FOXP1: variants seen among roughly 807,000 people sequenced by gnomAD.
The protein encoded by FOXP1 is forkhead box P1, also known as forkhead box protein P1.
A neutral mutation model predicts 98.2 loss-of-function variants in FOXP1; 15 were observed. The observed-to-expected ratio is 0.15, with a 90% CI of 0.10 to 0.24. The LOEUF is 0.24. Ranked by LOEUF, FOXP1 falls within the 10% of genes least tolerant of loss-of-function variation. The pLI is 1.00. For missense variants in FOXP1, 633 were observed against 848.5 expected, an observed-to-expected ratio of 0.75 and a Z score of 3.15; for synonymous variants, 371 against 314.5, an observed-to-expected ratio of 1.18 and a Z score of -1.90.
intron 7 of FOXP1, among the ~76,000 whole-genome samples, chr3:71,078,835 T>C (rs2054102194): frequency 6.6e-6 from 1 of 152,094 alleles, no homozygotes; most frequent in Admixed American, 6.6e-5. Flanking sequence ...CCACTAGTCA[T>C]AAATAGTGGC....
chr3:70,973,758 TTGATA>T (rs2036858740), intron 17 of FOXP1, among the ~76,000 whole-genome samples: 1 of 151,720 alleles, frequency 6.6e-6, no homozygotes, highest in Non-Finnish European at 1.5e-5. Context: ...GCTTGAGAAG[TTGATA>T]CATACATCAC....
chr3:71,160,747 G>C (rs1206751410), intron 6 of FOXP1, among the ~76,000 whole-genome samples: 1 of 152,184 alleles, frequency 6.6e-6, no homozygotes, highest in African/African-American at 2.4e-5. Context: ...ATTTTATTGG[G>C]CATCTGTTCT....
chr3:71,462,571 C>A (rs1402981603), intron 3 of FOXP1, among the ~76,000 whole-genome samples: 1 of 152,104 alleles, frequency 6.6e-6, no homozygotes, highest in South Asian at 2.1e-4. Context: ...TAAGTGAGAA[C>A]CCATTCGTGT....
At chr3:71,408,944 G>A (rs537009403) in intron 3 of FOXP1, among the ~76,000 whole-genome samples, 19 of 152,304 alleles carry the variant, frequency 1.2e-4, no homozygotes, top group East Asian at 5.8e-4. Context: ...GAAATGCCAC[G>A]TTTAGCTTAT....
intron 4 of FOXP1, among the ~76,000 whole-genome samples, chr3:71,351,723 T>C (rs1325529787): frequency 6.6e-6 from 1 of 152,200 alleles, no homozygotes; most frequent in Non-Finnish European, 1.5e-5. Context: ...ACCAAAGCTT[T>C]GGGAGGGAGA....
intron 3 of FOXP1, among the ~76,000 whole-genome samples, chr3:71,423,702 C>T (rs971081731): frequency 4.6e-5 from 7 of 152,180 alleles, no homozygotes; most frequent in Admixed American, 1.3e-4. Flanking sequence ...TTCTCAGTCA[C>T]GTTATCTGCA....
intron 4 of FOXP1, among the ~76,000 whole-genome samples, chr3:71,320,685 T>A (rs942234788): frequency 6.6e-5 from 10 of 152,204 alleles, no homozygotes. Flanking sequence ...CAAAAGGCAC[T>A]TAATAAATCT....
chr3:71,240,693 C>T (rs111776288), intron 5 of FOXP1, among the ~76,000 whole-genome samples: 19,903 of 151,614 alleles, frequency 0.13, 1,404 homozygotes, highest in Non-Finnish European at 0.16. Context: ...AGGCGCGTGC[C>T]ACCATGCCCG....
chr3:71,165,458 T>C (rs906683614), intron 6 of FOXP1, among the ~76,000 whole-genome samples: 2 of 152,166 alleles, frequency 1.3e-5, no homozygotes, highest in Non-Finnish European at 2.9e-5. Flanking sequence ...AACCAGACAT[T>C]TCAAAAGTGG....
chr3:71,401,707 C>T (rs1416352671), intron 3 of FOXP1, among the ~76,000 whole-genome samples: 1 of 152,220 alleles, frequency 6.6e-6, no homozygotes, highest in East Asian at 1.9e-4. Flanking sequence ...TAGTGCTGCA[C>T]TAATTGGTTG....
intron 12 of FOXP1, among the ~76,000 whole-genome samples, chr3:71,002,935 T>C (rs1247409695): frequency 6.6e-6 from 1 of 152,142 alleles, no homozygotes; most frequent in Non-Finnish European, 1.5e-5. Context: ...CTGTCACCAA[T>C]GAAACAAGAC....
intron 7 of FOXP1, among the ~76,000 whole-genome samples, chr3:71,059,050 A>G (rs1191114177): frequency 6.6e-6 from 1 of 152,216 alleles, no homozygotes; most frequent in African/African-American, 2.4e-5. Context: ...AAAATCATCT[A>G]GGTAGTCAGT....
At chr3:71,387,671 C>T (rs1465710801) in intron 3 of FOXP1, among the ~76,000 whole-genome samples, 2 of 152,102 alleles carry the variant, frequency 1.3e-5, no homozygotes, top group South Asian at 4.1e-4. Context: ...TTCTTAAAAG[C>T]GATATATGCA....
chr3:71,306,301 CG>C (rs938523627), intron 4 of FOXP1, among the ~76,000 whole-genome samples: 3 of 151,524 alleles, frequency 2.0e-5, no homozygotes, highest in Non-Finnish European at 2.9e-5. Context: ...ACTCGTGGGG[CG>C]GGGGGGAGTG....
chr3:71,365,054 GTGT>G (rs1264777320), intron 3 of FOXP1, among the ~76,000 whole-genome samples: 1 of 152,194 alleles, frequency 6.6e-6, no homozygotes. Context: ...AAACAAGTGG[GTGT>G]TGTTGTGTTC....
At chr3:71,183,810 T>C (rs1220712348) in intron 6 of FOXP1, among the ~76,000 whole-genome samples, 2 of 152,092 alleles carry the variant, frequency 1.3e-5, no homozygotes, top group Non-Finnish European at 2.9e-5. Flanking sequence ...CTGCCCCAGA[T>C]CTACAGAATA....
At chr3:71,178,677 A>T in intron 6 of FOXP1, among the ~76,000 whole-genome samples, 1 of 151,722 alleles carries the variant, frequency 6.6e-6, no homozygotes, top group East Asian at 2.0e-4. Flanking sequence ...AGGTCAGGAG[A>T]TCGAGACCAT....
chr3:71,575,828 G>A (rs1227089197), intron 2 of FOXP1, among the ~76,000 whole-genome samples: 1 of 152,226 alleles, frequency 6.6e-6, no homozygotes, highest in Non-Finnish European at 1.5e-5. Flanking sequence ...CTGGAGCAGA[G>A]AAAGTCACAT....
At chr3:71,576,964 T>C (rs944114495) in intron 2 of FOXP1, among the ~76,000 whole-genome samples, 1 of 152,166 alleles carries the variant, frequency 6.6e-6, no homozygotes, top group African/African-American at 2.4e-5. Flanking sequence ...AGGGCATGTA[T>C]TAAAGACTGG....
Sources: allele counts gnomAD v4.1 joint callset (sites outside exome capture counted in the v4.1 genomes callset), GRCh38; gene constraint gnomAD v4.1.1; transcripts MANE v1.5; gene names NCBI Gene and HGNC (gene_info 2026-07-23, HGNC 2026-07-21).